Variants in LARGE1 observed in about 807,000 individuals in gnomAD.
The protein encoded by LARGE1 is xylosyl- and glucuronyltransferase LARGE1.
In LARGE1, 43 loss-of-function variants were observed where a neutral mutation model predicts 87.6. The ratio of observed to expected loss-of-function variants is 0.49; its 90% CI spans 0.38 to 0.63. The LOEUF (loss-of-function observed/expected upper bound fraction) is 0.63, where lower values mean the gene tolerates loss of function less well. Among genes scored for constraint, LARGE1 ranks in the 30% least tolerant of loss-of-function variants. The pLI is 0.00. For missense variants in LARGE1, 802 were observed against 1,000.2 expected (o/e 0.80, Z 2.67); for synonymous variants, 434 against 394.6 (o/e 1.10, Z -1.18).
chr22:33,264,761 T>C (rs75853514), intron 11 of LARGE1, among the ~76,000 whole-genome samples: 4,469 of 152,114 alleles, frequency 0.029, 215 homozygotes, highest in African/African-American at 0.1. Flanking sequence ...TGAACTCTAG[T>C]GAGCTCTCTT....
chr22:33,519,973 G>A (rs926021152), intron 6 of LARGE1, among the ~76,000 whole-genome samples: 11 of 145,980 alleles, frequency 7.5e-5, no homozygotes, highest in Admixed American at 1.4e-4. Flanking sequence ...GAGACTGTTC[G>A]TCTATCTGTT....
At chr22:33,628,318 C>CTGCT (rs1364783600) in intron 3 of LARGE1, among the ~76,000 whole-genome samples, 88 of 132,982 alleles carry the variant, frequency 6.6e-4, no homozygotes, top group African/African-American at 2.2e-3. Flanking sequence ...ACTGTTTTTG[C>CTGCT]TTTTTTTTTT....
At chr22:33,071,866 C>T in the LARGE1 span, among the ~76,000 whole-genome samples, 1 of 152,202 alleles carries the variant, frequency 6.6e-6, no homozygotes, top group Non-Finnish European at 1.5e-5. Flanking sequence ...CTGCCGAGAT[C>T]AAGGCCCCAG....
At chr22:33,303,768 C>T (rs1934475895) in intron 12 of LARGE1, among the ~76,000 whole-genome samples, 1 of 150,826 alleles carries the variant, frequency 6.6e-6, no homozygotes, top group Non-Finnish European at 1.5e-5. Context: ...ATTACGGGCA[C>T]ATGCCACCAA....
Position 33,861,320 on chromosome 22 carries a change from C to T in LARGE1, c.-83+58675G>A, listed in dbSNP as rs115196076. 7.6e-3 allele frequency among the ~76,000 whole-genome samples: 1,149 copies of T among 152,138 alleles called. 17 individuals are homozygous for T. Among genetic ancestry groups the T allele is most frequent in the African/African-American group, 0.027 (1,101 of 41,494 alleles). ...TAAGCATGCCAGCCTTTGCTAACAC[C>T]CATTCTGCAAAAGGACCAAGCACTG... On this transcript the variant is annotated intron_variant, in intron 1 of 14. Coordinates refer to ENST00000397394, the MANE Select transcript of LARGE1 (RefSeq NM_133642.5).
At chr22:33,777,675 GAGAA>G (rs1456087360) in intron 1 of LARGE1, among the ~76,000 whole-genome samples, 1 of 91,926 alleles carries the variant, frequency 1.1e-5, no homozygotes, top group Non-Finnish European at 2.1e-5. Context: ...GAAGGGGAAG[GAGAA>G]GGAGAAGGGG....
At chr22:33,072,163 C>A in the LARGE1 span, among the ~76,000 whole-genome samples, 7 of 152,134 alleles carry the variant, frequency 4.6e-5, no homozygotes, top group African/African-American at 1.7e-4. Flanking sequence ...GACTGTCTCT[C>A]GAGATCTGCT....
intron 1 of LARGE1, among the ~76,000 whole-genome samples, chr22:33,786,043 C>T (rs959140283): frequency 6.6e-6 from 1 of 152,098 alleles, no homozygotes. Flanking sequence ...AGTCTGACAG[C>T]ATCTTTATTA....
chr22:33,252,240 A>AT (rs1326204223), intron 11 of LARGE1, among the ~76,000 whole-genome samples: 1 of 134,728 alleles, frequency 7.4e-6, no homozygotes, highest in Non-Finnish European at 1.5e-5. Flanking sequence ...TTTTAATGAT[A>AT]ATTCCTTCAT....
chr22:33,759,141 G>T (rs59449113), intron 2 of LARGE1, among the ~76,000 whole-genome samples: 1 of 152,186 alleles, frequency 6.6e-6, no homozygotes, highest in Non-Finnish European at 1.5e-5. Context: ...GGGAGACCTA[G>T]CTACAAGCCC....
intron 1 of LARGE1, among the ~76,000 whole-genome samples, chr22:33,814,331 C>A (rs921800976): frequency 1.3e-5 from 2 of 152,190 alleles, no homozygotes; most frequent in African/African-American, 2.4e-5. Flanking sequence ...TAGGGCCCAA[C>A]AGGGTCAAAT....
chr22:33,780,354 C>A (rs751136821), intron 1 of LARGE1, among the ~76,000 whole-genome samples: 8 of 152,166 alleles, frequency 5.3e-5, no homozygotes, highest in African/African-American at 7.2e-5. Context: ...GTAAAAGACA[C>A]AAGTAAACCA....
At chr22:33,852,763 G>A (rs2063632954) in intron 1 of LARGE1, among the ~76,000 whole-genome samples, 1 of 149,380 alleles carries the variant, frequency 6.7e-6, no homozygotes, top group South Asian at 2.1e-4. Context: ...GGCTGAGGCA[G>A]GAGAATTGCT....
intron 2 of LARGE1, among the ~76,000 whole-genome samples, chr22:33,682,716 CTGGCATAGAG>C (rs1379575119): frequency 2.0e-5 from 3 of 152,204 alleles, no homozygotes; most frequent in Non-Finnish European, 4.4e-5. Flanking sequence ...CACACAGTGG[CTGGCATAGAG>C]TAAAAACTTG....
chr22:33,413,372 C>A (rs944379173), intron 7 of LARGE1, among the ~76,000 whole-genome samples: 7 of 152,134 alleles, frequency 4.6e-5, no homozygotes, highest in Non-Finnish European at 1.0e-4. Flanking sequence ...ATTTTTCCTA[C>A]ATATATTTTA....
At chr22:33,316,052 G>A in intron 11 of LARGE1, 33 bp downstream of exon 11, 2 of 1,611,180 alleles carry the variant, frequency 1.2e-6, no homozygotes, top group Non-Finnish European at 1.7e-6. Context: ...GCCGCGGTGA[G>A]GAGACTGGGG....
At chr22:33,204,719 C>G (rs1382302209) in intron 11 of LARGE1, among the ~76,000 whole-genome samples, 1 of 152,108 alleles carries the variant, frequency 6.6e-6, no homozygotes, top group Non-Finnish European at 1.5e-5. Context: ...TTGGGAAGAG[C>G]CTTTCCCATT....
rs137349 is a variant in LARGE1 at position 33,172,450 on chromosome 22, A to ACT, written c.1731-5620_1731-5619dup. ...TAAAAAGTGAAAGTTTCCCCTGCTC[A>ACT]CTCTCTCTCTCTCTCTCTCTACTGC... On this transcript the variant is annotated intron_variant, in intron 11 of 11. Coordinates refer to the LARGE1 transcript ENST00000608642. Among the ~76,000 whole-genome samples, 364 of 149,610 alleles carry ACT rather than the reference A, an allele frequency of 2.4e-3. 1 individual carries two copies. Among genetic ancestry groups the ACT allele is most frequent in the Middle Eastern group, 3.5e-3 (1 of 286 alleles).
At chr22:33,177,251 G>A (rs912606338) in intron 11 of LARGE1, among the ~76,000 whole-genome samples, 12 of 152,052 alleles carry the variant, frequency 7.9e-5, no homozygotes, top group Admixed American at 2.0e-4. Context: ...ACGTGTATAC[G>A]TATGTAACAA....
Sources: gnomAD v4.1 joint callset for allele counts (sites outside exome capture counted in the v4.1 genomes callset) on GRCh38, gnomAD v4.1.1 for gene constraint, MANE v1.5 for transcripts, NCBI Gene and HGNC (gene_info 2026-07-23, HGNC 2026-07-21) for gene names.